Variants in TENM3 observed in about 807,000 individuals in gnomAD.
TENM3 encodes the protein teneurin transmembrane protein 3.
In TENM3, 63 loss-of-function variants were observed where a neutral mutation model predicts 255.1. The ratio of observed to expected loss-of-function variants is 0.25; its 90% CI spans 0.20 to 0.30. The LOEUF (loss-of-function observed/expected upper bound fraction) is 0.30. Ranked by LOEUF, TENM3 falls within the 10% of genes least tolerant of loss-of-function variation. The pLI is 1.00. For synonymous variants in TENM3, 1,306 were observed against 1,322.3 expected (o/e 0.99, Z 0.27); for missense variants, 2,929 against 3,461.1 (o/e 0.85, Z 3.86).
chr4:182,575,975 A>G (rs532824018), intron 3 of TENM3, among the ~76,000 whole-genome samples: 75 of 152,308 alleles, frequency 4.9e-4, no homozygotes, highest in African/African-American at 1.8e-3. Flanking sequence ...TTTAGGTTGT[A>G]TTCAGTTATT....
chr4:181,595,454 ACAAG>A, the TENM3 span, among the ~76,000 whole-genome samples: 1 of 107,596 alleles, frequency 9.3e-6, no homozygotes, highest in South Asian at 3.1e-4. Context: ...AAAAAAAAAA[ACAAG>A]CAAGAGTAGA....
rs898540519 is a variant in TENM3, at chr4:182,369,850, C to T, written c.511+22921C>T. 3.3e-5 allele frequency among the ~76,000 whole-genome samples: 5 copies of T among 152,168 alleles called. No homozygotes were observed. The South Asian group carries it at 1.0e-3, about 32-fold the overall frequency. On this transcript the variant is annotated intron_variant, in intron 3 of 27. Coordinates refer to ENST00000511685, the MANE Select transcript of TENM3 (RefSeq NM_001080477.4). ...CCAAGATCACGCCACTGCACTCCAG[C>T]CCACGTGACAGAGTGAAACTCTGTC...
the TENM3 span, among the ~76,000 whole-genome samples, chr4:181,509,111 T>C: frequency 2.0e-5 from 3 of 151,994 alleles, no homozygotes; most frequent in Non-Finnish European, 4.4e-5. Context: ...GGAAAGAAAC[T>C]ACACGTGGAA....
At chr4:181,791,537 G>T in the TENM3 span, among the ~76,000 whole-genome samples, 1 of 152,064 alleles carries the variant, frequency 6.6e-6, no homozygotes, top group African/African-American at 2.4e-5. Flanking sequence ...ATAAATCTCA[G>T]GAAAGTAATA....
chr4:181,848,026 T>C, the TENM3 span, among the ~76,000 whole-genome samples: 3 of 152,222 alleles, frequency 2.0e-5, no homozygotes, highest in Non-Finnish European at 4.4e-5. Flanking sequence ...TTTAAATTAT[T>C]ATTGTTGATT....
the TENM3 span, among the ~76,000 whole-genome samples, chr4:181,525,666 C>T: frequency 0.094 from 14,238 of 152,072 alleles, 744 homozygotes; most frequent in East Asian, 0.2. Flanking sequence ...TTTTGTATAA[C>T]TAGAATGTTT....
intron 15 of TENM3, 66 bp from the exon 16 acceptor site, chr4:182,730,812 G>C: frequency 6.5e-7 from 1 of 1,533,844 alleles, no homozygotes; most frequent in Non-Finnish European, 8.9e-7. Context: ...ATTAACTTAA[G>C]GAGGTGTGTA....
chr4:181,525,396 C>CAAAAAAAAAAAAAAAAAAAAAAAAAA, the TENM3 span, among the ~76,000 whole-genome samples: 58 of 97,290 alleles, frequency 6.0e-4, no homozygotes, highest in East Asian at 1.7e-3. Flanking sequence ...GACCCTGTTT[C>CAAAAAAAAAAAAAAAAAAAAAAAAAA]AAAAAAAAAA....
At chr4:182,716,006 T>G (rs762247188) in intron 13 of TENM3, among the ~76,000 whole-genome samples, 12 of 152,212 alleles carry the variant, frequency 7.9e-5, no homozygotes, top group Non-Finnish European at 1.5e-4. Flanking sequence ...CTTTTCCTGC[T>G]TAATAATACC....
At chr4:182,100,401 C>T in the TENM3 span, among the ~76,000 whole-genome samples, 1,847 of 143,136 alleles carry the variant, frequency 0.013, 32 homozygotes, top group African/African-American at 0.044. Flanking sequence ...CAGGAGTTAA[C>T]GACCAGCCTC....
the TENM3 span, among the ~76,000 whole-genome samples, chr4:181,499,228 T>C: frequency 6.6e-6 from 1 of 152,200 alleles, no homozygotes; most frequent in South Asian, 2.1e-4. Flanking sequence ...CCCACGTGAC[T>C]GACAGTCATA....
In TENM3 at chr4:182,701,210, C is replaced by CTTTTT. The variant is rs35538818; in HGVS notation, c.2222-12853_2222-12849dup. Reference sequence around the variant, plus strand: ...TTTTCACATACAGTCCAACTCTTGACTTTTTTTTTTTTTTTTTTTTTTTTT... The same window carrying CTTTTT: ...TTTTCACATACAGTCCAACTCTTGACTTTTTTTTTTTTTTTTTTTTTTTTTTTTTT... On this transcript the variant is annotated intron_variant, in intron 12 of 27. Coordinates refer to ENST00000511685, the MANE Select transcript of TENM3 (RefSeq NM_001080477.4). Among the ~76,000 whole-genome samples the CTTTTT allele has an allele frequency of 3.6e-3, 139 of 38,662 alleles. 49 individuals carry two copies. The highest frequency in any genetic ancestry group is 4.2e-3 in the Non-Finnish European group (98 of 23,202). The allele number at this position is 38,662 out of a possible 152,430, so 25.4% of individuals were successfully genotyped here.
chr4:181,871,747 T>G, the TENM3 span, among the ~76,000 whole-genome samples: 16 of 152,230 alleles, frequency 1.1e-4, no homozygotes, highest in African/African-American at 3.8e-4. Context: ...TATTCCTACT[T>G]TGTTAAGTGT....
the TENM3 span, among the ~76,000 whole-genome samples, chr4:181,937,586 A>T: frequency 6.6e-6 from 1 of 152,198 alleles, no homozygotes; most frequent in Non-Finnish European, 1.5e-5. Context: ...GACAGACGTG[A>T]TCATGACTGC....
chr4:181,784,078 G>A, the TENM3 span, among the ~76,000 whole-genome samples: 1 of 151,820 alleles, frequency 6.6e-6, no homozygotes, highest in Non-Finnish European at 1.5e-5. Context: ...CTCTGGCTAG[G>A]ACATCCAAAA....
At chr4:181,929,045 G>T in the TENM3 span, among the ~76,000 whole-genome samples, 1 of 152,052 alleles carries the variant, frequency 6.6e-6, no homozygotes, top group African/African-American at 2.4e-5. Flanking sequence ...AATATGGAAC[G>T]AAAAACCGGT....
the TENM3 span, among the ~76,000 whole-genome samples, chr4:181,716,364 T>G: frequency 6.6e-6 from 1 of 152,196 alleles, no homozygotes; most frequent in East Asian, 1.9e-4. Context: ...ATATAAAAGT[T>G]ATTGATGAGA....
chr4:182,696,532 C>G (rs768141311), intron 12 of TENM3, among the ~76,000 whole-genome samples: 1 of 152,056 alleles, frequency 6.6e-6, no homozygotes, highest in Non-Finnish European at 1.5e-5. Flanking sequence ...CGGGACCATC[C>G]TGACCAACAT....
intron 4 of TENM3, among the ~76,000 whole-genome samples, chr4:182,606,996 T>C (rs1748502036): frequency 6.6e-6 from 1 of 152,242 alleles, no homozygotes; most frequent in Non-Finnish European, 1.5e-5. Flanking sequence ...ATCCACCATT[T>C]TCACTAACTA....
Sources: allele counts gnomAD v4.1 joint callset (sites outside exome capture counted in the v4.1 genomes callset), GRCh38; gene constraint gnomAD v4.1.1; transcripts MANE v1.5; gene names NCBI Gene and HGNC (gene_info 2026-07-23, HGNC 2026-07-21).